Variants in SLX9 observed in about 807,000 individuals in gnomAD.
SLX9 encodes the protein ribosome biogenesis protein SLX9 homolog.
Under a neutral mutation model 20.8 loss-of-function variants are expected in SLX9, and 19 were observed. The observed-to-expected ratio is 0.91, with a 90% CI of 0.64 to 1.34. The LOEUF (loss-of-function observed/expected upper bound fraction) is 1.34. SLX9 is among the 40% of genes most tolerant of loss of function. The pLI is 0.00. For missense variants in SLX9, 299 were observed against 322.2 expected, an observed-to-expected ratio of 0.93 and a Z score of 0.55; for synonymous variants, 113 against 137.1, an observed-to-expected ratio of 0.82 and a Z score of 1.23.
chr21:44,956,291 C>T (rs897499319), intron 2 of SLX9, among the ~76,000 whole-genome samples: 1 of 152,150 alleles, frequency 6.6e-6, no homozygotes, highest in South Asian at 2.1e-4. Context: ...TCTTTTGTGG[C>T]CCCTTTGTGT....
At chr21:44,949,769 C>A (rs1340900866) in intron 2 of SLX9, among the ~76,000 whole-genome samples, 1 of 152,198 alleles carries the variant, frequency 6.6e-6, no homozygotes, top group Non-Finnish European at 1.5e-5. Context: ...AGCTCCTGCA[C>A]CCAGCCCTTG....
At chr21:44,953,118 C>T (rs1471254489) in intron 2 of SLX9, among the ~76,000 whole-genome samples, 1 of 152,208 alleles carries the variant, frequency 6.6e-6, no homozygotes, top group African/African-American at 2.4e-5. Flanking sequence ...CCTGGCAAGG[C>T]CCAGGCCGAG....
In SLX9 at chr21:44,946,622, C is replaced by T. The variant is rs114203800; in HGVS notation, c.283+2785C>T. The stretch of plus-strand genomic sequence containing the variant: ...TCCAAAATGGTGCCTTGGAGGTTGT[C>T]CCTGAGGTGTGTTCCAGGAGGCTGT... On this transcript the variant is annotated intron_variant, in intron 2 of 5. Transcript: ENST00000291634. Among the ~76,000 whole-genome samples, 1,340 of 152,294 alleles carry T rather than the reference C, an allele frequency of 8.8e-3. 27 individuals carry two copies. Among genetic ancestry groups the T allele is most frequent in the African/African-American group, 0.031 (1,274 of 41,552 alleles).
chr21:44,963,297 G>GC (rs1324444504), intron 3 of SLX9, among the ~76,000 whole-genome samples: 1 of 151,750 alleles, frequency 6.6e-6, no homozygotes, highest in African/African-American at 2.4e-5. Context: ...CACCGTGTTA[G>GC]CAGGATGGTC....
chr21:44,944,359 C>T (rs773965243), intron 2 of SLX9, among the ~76,000 whole-genome samples: 70 of 152,194 alleles, frequency 4.6e-4, no homozygotes, highest in Non-Finnish European at 7.8e-4. Flanking sequence ...GCAGCACACA[C>T]GTCAGCCTGG....
intron 3 of SLX9, among the ~76,000 whole-genome samples, chr21:44,964,916 TCCCC>T: frequency 6.6e-6 from 1 of 152,290 alleles, no homozygotes; most frequent in South Asian, 2.1e-4. Flanking sequence ...TCTGACTCTT[TCCCC>T]AGGAGGACCC....
At chr21:44,961,474 C>A (rs762551727) in intron 3 of SLX9, among the ~76,000 whole-genome samples, 1 of 152,116 alleles carries the variant, frequency 6.6e-6, no homozygotes. Context: ...CTAGTCCTAG[C>A]GACTTAGGAG....
At chr21:44,969,653 TC>T (rs1489655507) in intron 4 of SLX9, among the ~76,000 whole-genome samples, 1 of 152,166 alleles carries the variant, frequency 6.6e-6, no homozygotes, top group East Asian at 1.9e-4. Flanking sequence ...TCCATGCAGC[TC>T]CCCCGTCCCC....
At chr21:44,949,876 C>G (rs1408238572) in intron 2 of SLX9, among the ~76,000 whole-genome samples, 1 of 152,190 alleles carries the variant, frequency 6.6e-6, no homozygotes, top group African/African-American at 2.4e-5. Flanking sequence ...GTGGAGGGAC[C>G]TGCGGTGGAG....
intron 4 of SLX9, among the ~76,000 whole-genome samples, chr21:44,968,216 C>A (rs1247503703): frequency 6.8e-6 from 1 of 146,136 alleles, no homozygotes; most frequent in African/African-American, 2.8e-5. Flanking sequence ...AGTGACGCAA[C>A]CCCCAGTGAC....
chr21:44,969,696 G>C (rs539901098), intron 4 of SLX9, among the ~76,000 whole-genome samples: 3 of 152,222 alleles, frequency 2.0e-5, no homozygotes, highest in Admixed American at 6.5e-5. Flanking sequence ...AGTGTGGTAC[G>C]TTCGTCACAT....
chr21:44,965,748 T>C (rs1219694021), intron 3 of SLX9, among the ~76,000 whole-genome samples: 1 of 152,114 alleles, frequency 6.6e-6, no homozygotes, highest in Non-Finnish European at 1.5e-5. Flanking sequence ...CTTGCTGAGG[T>C]GCGGGCCTTT....
chr21:44,967,257 G>A, intron 4 of SLX9, 76 bp downstream of exon 4: 2 of 1,498,358 alleles, frequency 1.3e-6, no homozygotes, highest in South Asian at 2.7e-5. Context: ...ATATGAGTGG[G>A]AGCCACGGGC....
At chr21:44,945,251 G>T (rs552892300) in intron 2 of SLX9, among the ~76,000 whole-genome samples, 8 of 152,360 alleles carry the variant, frequency 5.3e-5, no homozygotes, top group African/African-American at 1.9e-4. Context: ...AGGACCTGGT[G>T]AGGTGACCAG....
intron 2 of SLX9, among the ~76,000 whole-genome samples, chr21:44,955,629 C>T (rs1228742749): frequency 6.6e-6 from 1 of 152,218 alleles, no homozygotes; most frequent in East Asian, 1.9e-4. Context: ...AATCTTCCCT[C>T]CCACTTTGGC....
intron 4 of SLX9, among the ~76,000 whole-genome samples, chr21:44,968,663 C>T (rs947933606): frequency 6.6e-6 from 1 of 152,142 alleles, no homozygotes; most frequent in Non-Finnish European, 1.5e-5. Context: ...TGTGTAGCCA[C>T]AGCCCAGCTT....
In SLX9 at chr21:44,976,126, G is replaced by A. The variant is rs114471699; in HGVS notation, c.570-554G>A. 4.9e-3 allele frequency among the ~76,000 whole-genome samples: 746 copies of A among 152,374 alleles called. 9 individuals are homozygous for A. Among genetic ancestry groups the A allele is most frequent in the African/African-American group, 0.017 (715 of 41,580 alleles). On this transcript the variant is annotated intron_variant, in intron 5 of 5. Coordinates refer to ENST00000291634, the MANE Select transcript of SLX9 (RefSeq NM_058190.4). ...GTGTTCCACAGGGCAGCTCTCTGGC[G>A]TGCGGCTGGCTGCGCGGGGTTTAGA...
Position 44,943,821 on chromosome 21 carries a change from CCCTT to C in SLX9, c.270_273del (p.Ile92GlyfsTer16). 6.2e-7 allele frequency: 1 copy of C among 1,613,080 alleles called. No individual in the cohort carries two copies. The highest frequency in any genetic ancestry group is 1.3e-5 in the African/African-American group (1 of 74,986). On this transcript the variant is annotated frameshift_variant, in exon 2 of 6. Transcript: ENST00000291634. LOFTEE classifies it high-confidence loss of function. ...AGGCAGGCTCGAGTGCACGGAGCGT[CCCTT>C]CCATCAGGAGAGGTGAGGCAGGCTC...
intron 2 of SLX9, among the ~76,000 whole-genome samples, chr21:44,957,321 G>A (rs1305676344): frequency 1.3e-5 from 2 of 152,146 alleles, no homozygotes; most frequent in African/African-American, 4.8e-5. Context: ...CCTCCCACTG[G>A]GCCAGAGGGG....
Sources: allele counts gnomAD v4.1 joint callset (sites outside exome capture counted in the v4.1 genomes callset), GRCh38; gene constraint gnomAD v4.1.1; transcripts MANE v1.5; gene names NCBI Gene and HGNC (gene_info 2026-07-23, HGNC 2026-07-21).